SHISA5: variants seen among roughly 807,000 people sequenced by gnomAD.
SHISA5 encodes shisa family member 5.
SHISA5 carries 21 observed loss-of-function variants against 27.5 expected under a neutral mutation model. The ratio of observed to expected loss-of-function variants is 0.76; its 90% confidence interval spans 0.54 to 1.10. The LOEUF is 1.10. SHISA5 is among the 50% of genes least tolerant of loss of function. SHISA5 has a pLI of 0.00. For missense variants in SHISA5, 314 were observed against 336.3 expected, an observed-to-expected ratio of 0.93 and a Z score of 0.52; for synonymous variants, 137 against 142.2, an observed-to-expected ratio of 0.96 and a Z score of 0.26.
intron 2 of SHISA5, among the ~76,000 whole-genome samples, chr3:48,488,288 C>A (rs963977050): frequency 3.6e-5 from 5 of 139,936 alleles, no homozygotes; most frequent in African/African-American, 1.3e-4. Flanking sequence ...TTGCTTGTAG[C>A]CCAATCTCGA....
At chr3:48,493,433 G>A (rs2041481363) in intron 2 of SHISA5, among the ~76,000 whole-genome samples, 1 of 144,894 alleles carries the variant, frequency 6.9e-6, no homozygotes, top group South Asian at 2.1e-4. Context: ...CAGCCTGGGT[G>A]ACAGAGTGAG....
At chr3:48,488,562 G>A (rs1229041928) in intron 2 of SHISA5, among the ~76,000 whole-genome samples, 11 of 148,100 alleles carry the variant, frequency 7.4e-5, no homozygotes, top group South Asian at 4.3e-4. Context: ...GGCCGGGCGC[G>A]GTGGCTCACG....
At position 48,473,398 on chromosome 3, in the gene SHISA5, C is replaced by T. The variant is rs2040713565; in HGVS notation, c.315-3555G>A. The T allele has an allele frequency of 7.6e-7, 1 of 1,318,334 alleles. No homozygotes were observed. Among genetic ancestry groups the T allele is most frequent in the African/African-American group, 1.5e-5 (1 of 67,050 alleles). The allele number at this position is 1,318,334 out of a possible 1,614,324, so 81.7% of individuals were successfully genotyped here. ...AGTGGGCCCCAACCACACTCTAGCTCAGCAGCACCCCCACCCCCACTTCCA... is the reference window on the plus strand; with the variant it reads ...AGTGGGCCCCAACCACACTCTAGCTTAGCAGCACCCCCACCCCCACTTCCA... On this transcript the variant is annotated intron_variant, in intron 3 of 5. Transcript: ENST00000296444. This position sits in a 1 kb window ranked among gnomAD's most constrained non-coding sequence, Gnocchi z 4.3.
intron 2 of SHISA5, among the ~76,000 whole-genome samples, chr3:48,487,521 G>A (rs111851179): frequency 0.013 from 1,995 of 152,088 alleles, 34 homozygotes; most frequent in African/African-American, 0.045. Flanking sequence ...TATTGGAAAC[G>A]TCTTTTGAAA....
rs149310132 is a variant in SHISA5, at chr3:48,469,745, G to A, written c.413C>T (p.Thr138Met). 9.5e-5 allele frequency: 154 copies of A among 1,614,086 alleles called. 1 individual carries two copies. The East Asian group carries it at 3.1e-3, about 33-fold the overall frequency. ...ACGCTTACGACGTGGTCGGCGGCAC[G>A]TCTTGTAAAGGCAGCAGCAGGAGCA... ...FTCSCCCLYK[T>M]CRRPRPVVTT... The change falls in exon 4 of 6, where the codon ACG (threonine) becomes ATG (methionine). Residue 138 changes from threonine (T) to methionine (M), a missense_variant. Thr to Met is a moderately conservative substitution (Grantham distance 81, BLOSUM62 -1). Coordinates refer to ENST00000296444, the MANE Select transcript of SHISA5 (RefSeq NM_016479.6). The surrounding 1 kb of genome is among the most constrained non-coding windows in gnomAD (Gnocchi z 4.6).
Position 48,473,500 on chromosome 3 carries a change from G to C in SHISA5, c.315-3657C>G. ...ATCTAGGCCCAGAGGGCGACCCTGG[G>C]GCCCTGGCTGACACACATGCAAGGA... On this transcript the variant is annotated intron_variant, in intron 3 of 5. Transcript: ENST00000296444. This position sits in a 1 kb window ranked among gnomAD's most constrained non-coding sequence, Gnocchi z 4.3. 7.7e-7 allele frequency: 1 copy of C among 1,290,542 alleles called. No homozygotes were observed. The highest frequency in any genetic ancestry group is 2.3e-5 in the Admixed American group (1 of 43,594). The allele number at this position is 1,290,542 out of a possible 1,614,324, so 79.9% of individuals were successfully genotyped here.
At chr3:48,471,184 CA>C (rs2040598215) in intron 3 of SHISA5, among the ~76,000 whole-genome samples, 3 of 152,072 alleles carry the variant, frequency 2.0e-5, no homozygotes, top group African/African-American at 7.2e-5. Flanking sequence ...TGCACTACCA[CA>C]TTTATTTTTG....
At chr3:48,498,711 A>G (rs980535312) in intron 2 of SHISA5, among the ~76,000 whole-genome samples, 2 of 149,606 alleles carry the variant, frequency 1.3e-5, no homozygotes, top group African/African-American at 5.0e-5. Flanking sequence ...AAAAAAAAAG[A>G]CAGAATGGAA....
chr3:48,477,913 C>T (rs2107314577), intron 3 of SHISA5, among the ~76,000 whole-genome samples: 1 of 152,354 alleles, frequency 6.6e-6, no homozygotes, highest in Middle Eastern at 3.4e-3. Flanking sequence ...CTGAGGCCAC[C>T]TCCTACAGAA....
chr3:48,491,615 A>C (rs376034575), intron 2 of SHISA5, among the ~76,000 whole-genome samples: 28 of 152,060 alleles, frequency 1.8e-4, no homozygotes, highest in African/African-American at 6.8e-4. Flanking sequence ...CGTTGACAGC[A>C]CCTATCACTT....
intron 2 of SHISA5, among the ~76,000 whole-genome samples, chr3:48,498,595 G>C (rs2041640294): frequency 6.7e-6 from 1 of 149,726 alleles, no homozygotes. Context: ...GCTGAGGCAG[G>C]ATAATTGCTT....
intron 2 of SHISA5, among the ~76,000 whole-genome samples, chr3:48,491,627 C>G (rs545892133): frequency 6.6e-6 from 1 of 152,112 alleles, no homozygotes; most frequent in East Asian, 1.9e-4. Flanking sequence ...CTATCACTTC[C>G]TGCTGTTTTC....
intron 3 of SHISA5, among the ~76,000 whole-genome samples, chr3:48,475,722 G>A (rs771811173): frequency 1.3e-5 from 2 of 152,190 alleles, no homozygotes; most frequent in Non-Finnish European, 2.9e-5. Context: ...TCTGCCATTC[G>A]GTACTTAGAA....
Position 48,469,071 on chromosome 3 carries a change from C to T in SHISA5, c.*36G>A, listed in dbSNP as rs1356652635. The T allele has an allele frequency of 1.9e-6, 3 of 1,611,766 alleles. No individual in the cohort carries two copies. The African/African-American group carries it at 4.0e-5, about 22-fold the overall frequency. ...GCACACCACTCACGCACACACACAACATAACCAAGTGGCAGCCAGAGAGGC... is the reference window on the plus strand; with the variant it reads ...GCACACCACTCACGCACACACACAATATAACCAAGTGGCAGCCAGAGAGGC... On this transcript the variant is annotated 3_prime_UTR_variant, in exon 6 of 6. Transcript: ENST00000296444. The surrounding 1 kb of genome is among the most constrained non-coding windows in gnomAD (Gnocchi z 4.6).
At chr3:48,481,937 C>T (rs1203076870) in intron 2 of SHISA5, among the ~76,000 whole-genome samples, 10 of 145,972 alleles carry the variant, frequency 6.9e-5, no homozygotes, top group East Asian at 2.1e-4. Context: ...GGCGTGGTGG[C>T]GGGCACCTGT....
Position 48,469,557 on chromosome 3 carries a change from G to A in SHISA5, c.447C>T (p.Thr149=), listed in dbSNP as rs1347874165. 7 of 1,608,420 alleles carry A rather than the reference G, an allele frequency of 4.4e-6. No individual in the cohort carries two copies. The highest frequency in any genetic ancestry group is 5.1e-6 in the Non-Finnish European group (6 of 1,176,220). The change falls in exon 5 of 6, where the codon ACC becomes ACT. Residue 149 remains threonine (T), a synonymous_variant. Coordinates refer to ENST00000296444, the MANE Select transcript of SHISA5 (RefSeq NM_016479.6). This position sits in a 1 kb window ranked among gnomAD's most constrained non-coding sequence, Gnocchi z 4.6. ...GGGCATGCACCACAGTGGTGGATGTGGTGGTGGTGACAACCGCTGCAAAGA... is the reference window on the plus strand; with the variant it reads ...GGGCATGCACCACAGTGGTGGATGTAGTGGTGGTGACAACCGCTGCAAAGA... ...CRRPRPVVTT[T]TSTTVVHAPY...
intron 2 of SHISA5, among the ~76,000 whole-genome samples, chr3:48,483,744 G>T (rs1309310946): frequency 6.7e-6 from 1 of 148,812 alleles, no homozygotes; most frequent in African/African-American, 2.5e-5. Context: ...CCTCCCGGAC[G>T]GGGCGGCTGG....
intron 2 of SHISA5, among the ~76,000 whole-genome samples, chr3:48,487,024 T>C (rs1018992951): frequency 9.2e-5 from 14 of 151,582 alleles, no homozygotes; most frequent in African/African-American, 3.2e-4. Context: ...GTTGGAAGGA[T>C]TGCTTAAGCC....
chr3:48,492,193 A>G (rs370522124), intron 2 of SHISA5, among the ~76,000 whole-genome samples: 1 of 133,636 alleles, frequency 7.5e-6, no homozygotes, highest in Admixed American at 7.8e-5. Context: ...AAAAAAGGCC[A>G]GGCGCGGTGG....
Sources: allele counts gnomAD v4.1 joint callset (sites outside exome capture counted in the v4.1 genomes callset), GRCh38; gene constraint gnomAD v4.1.1; non-coding constraint Gnocchi (gnomAD v3.1); transcripts MANE v1.5; gene names NCBI Gene and HGNC (gene_info 2026-07-23, HGNC 2026-07-21).